CEP63: variants seen among roughly 807,000 people sequenced by gnomAD.
CEP63 encodes the protein centrosomal protein 63, also known as centrosomal protein of 63 kDa.
In CEP63, 84 loss-of-function variants were observed where a neutral mutation model predicts 89.1. The ratio of observed to expected loss-of-function variants is 0.94; its 90% CI spans 0.79 to 1.13. CEP63 has a LOEUF of 1.13. Among genes scored for constraint, CEP63 ranks in the 50% most tolerant of loss-of-function variants. The pLI is 0.00. For missense variants in CEP63, 838 were observed against 813.3 expected (o/e 1.03, Z -0.37); for synonymous variants, 267 against 272.5 (o/e 0.98, Z 0.20).
At chr3:134,726,329 C>A in the CEP63 span, among the ~76,000 whole-genome samples, 1 of 152,110 alleles carries the variant, frequency 6.6e-6, no homozygotes, top group African/African-American at 2.4e-5. Context: ...AGTAAAGGCC[C>A]GGCTTTGGGT....
chr3:134,647,404 C>T, the CEP63 span: 1 of 1,521,350 alleles, frequency 6.6e-7, no homozygotes, highest in Non-Finnish European at 9.1e-7. Context: ...TGTATTAAAT[C>T]CTATAGGTTG....
chr3:134,705,486 A>T, the CEP63 span, among the ~76,000 whole-genome samples: 18 of 152,210 alleles, frequency 1.2e-4, no homozygotes, highest in African/African-American at 4.1e-4. Flanking sequence ...ATCAGGCCTC[A>T]CCTCCCAATA....
chr3:134,773,219 CA>C, the CEP63 span, among the ~76,000 whole-genome samples: 2 of 152,140 alleles, frequency 1.3e-5, no homozygotes, highest in African/African-American at 4.8e-5. Flanking sequence ...TATTTGCTGC[CA>C]CCAGCACTCA....
chr3:134,743,861 G>T, the CEP63 span, among the ~76,000 whole-genome samples: 2 of 152,120 alleles, frequency 1.3e-5, no homozygotes, highest in South Asian at 2.1e-4. Flanking sequence ...TCCCTTTCTG[G>T]TGTCCAAATC....
At chr3:134,502,886 G>A (rs1354781053) in intron 2 of CEP63, among the ~76,000 whole-genome samples, 1 of 151,824 alleles carries the variant, frequency 6.6e-6, no homozygotes, top group African/African-American at 2.4e-5. Context: ...ATTGTTTTAG[G>A]TTGTTAACTT....
At chr3:134,626,976 C>T in the CEP63 span, among the ~76,000 whole-genome samples, 1 of 152,192 alleles carries the variant, frequency 6.6e-6, no homozygotes, top group African/African-American at 2.4e-5. Context: ...ACTCACACAT[C>T]GAACAGATTT....
chr3:134,575,232 TC>T (rs1159621450), downstream of CEP63, among the ~76,000 whole-genome samples: 16 of 15,488 alleles, frequency 1.0e-3, no homozygotes, highest in Non-Finnish European at 1.6e-3. Flanking sequence ...CCTCCCTCCC[TC>T]CCTTCCTTCC....
At chr3:134,749,367 G>A in the CEP63 span, among the ~76,000 whole-genome samples, 2 of 152,112 alleles carry the variant, frequency 1.3e-5, no homozygotes, top group Non-Finnish European at 1.5e-5. Context: ...ATTTTGGCTG[G>A]GGTGGACTGG....
At chr3:134,677,762 C>T in the CEP63 span, among the ~76,000 whole-genome samples, 2 of 152,250 alleles carry the variant, frequency 1.3e-5, no homozygotes, top group East Asian at 3.9e-4. Context: ...TAGCCCTCCC[C>T]TGTTCCCCAC....
chr3:134,537,602 C>G (rs1482390485), intron 6 of CEP63, among the ~76,000 whole-genome samples: 1 of 152,182 alleles, frequency 6.6e-6, no homozygotes, highest in Non-Finnish European at 1.5e-5. Context: ...GTTCACTCTC[C>G]TCATCTTGGT....
intron 9 of CEP63, among the ~76,000 whole-genome samples, chr3:134,548,837 G>A (rs1245486158): frequency 2.0e-5 from 3 of 152,072 alleles, no homozygotes; most frequent in African/African-American, 7.2e-5. Context: ...GTACTCTTCC[G>A]TTTGACTAAA....
chr3:134,507,374 A>T (rs761234268), intron 3 of CEP63, 88 bp downstream of exon 3: 58 of 973,962 alleles, frequency 6.0e-5, no homozygotes, highest in Non-Finnish European at 9.2e-5. Context: ...TGAAGAAAGA[A>T]TTTGTATACC....
At chr3:134,700,958 C>T in the CEP63 span, among the ~76,000 whole-genome samples, 1 of 151,996 alleles carries the variant, frequency 6.6e-6, no homozygotes, top group Non-Finnish European at 1.5e-5. Context: ...TAGTACATTT[C>T]GCTCATGCAT....
chr3:134,712,967 T>C, the CEP63 span, among the ~76,000 whole-genome samples: 1 of 152,248 alleles, frequency 6.6e-6, no homozygotes, highest in South Asian at 2.1e-4. Context: ...AGAGCATGTC[T>C]GATTCCATTT....
chr3:134,760,015 G>A, the CEP63 span, among the ~76,000 whole-genome samples: 1 of 150,912 alleles, frequency 6.6e-6, no homozygotes, highest in African/African-American at 2.4e-5. Flanking sequence ...TGAATCAAAT[G>A]TGGAAATATT....
chr3:134,665,409 G>A, the CEP63 span, among the ~76,000 whole-genome samples: 1 of 152,210 alleles, frequency 6.6e-6, no homozygotes, highest in African/African-American at 2.4e-5. Context: ...CTGTTTCAAG[G>A]TTACCCAAGG....
At chr3:134,607,000 A>G in the CEP63 span, 5 of 982,904 alleles carry the variant, frequency 5.1e-6, no homozygotes, top group Admixed American at 6.2e-5. Flanking sequence ...GTACATAAGT[A>G]TCAGATATAT....
Position 134,547,318 on chromosome 3 carries a change from C to A in CEP63, c.930-17C>A. On this transcript the variant is annotated splice_polypyrimidine_tract_variant and intron_variant, in intron 8 of 14. Coordinates refer to ENST00000675561, the MANE Select transcript of CEP63 (RefSeq NM_001353108.3). Reference sequence around the variant, plus strand: ...CAGAGATAAAGGCGTTAACAATCATCCTATGTCTTTCCATAGGCCACGGGA... The same window carrying A: ...CAGAGATAAAGGCGTTAACAATCATACTATGTCTTTCCATAGGCCACGGGA... The A allele has an allele frequency of 6.2e-7, 1 of 1,611,746 alleles. No homozygotes were observed. The highest frequency in any genetic ancestry group is 1.3e-5 in the African/African-American group (1 of 74,932).
At chr3:134,487,276 TTTTTA>T (rs1183796263) in intron 1 of CEP63, among the ~76,000 whole-genome samples, 1 of 152,230 alleles carries the variant, frequency 6.6e-6, no homozygotes, top group Non-Finnish European at 1.5e-5. Flanking sequence ...TTTAGATTGA[TTTTTA>T]TTTTGAGTTT....
Sources: gnomAD v4.1 joint callset for allele counts (sites outside exome capture counted in the v4.1 genomes callset) on GRCh38, gnomAD v4.1.1 for gene constraint, MANE v1.5 for transcripts, NCBI Gene and HGNC (gene_info 2026-07-23, HGNC 2026-07-21) for gene names.